Variants in OPRM1 observed in about 807,000 individuals in gnomAD.
The protein encoded by OPRM1 is opioid receptor mu 1.
In OPRM1, 27 loss-of-function variants were observed where a neutral mutation model predicts 31.8. That is an observed-to-expected ratio of 0.85 (90% CI 0.63 to 1.17). The LOEUF is 1.17. Among genes scored for constraint, OPRM1 ranks in the 50% most tolerant of loss-of-function variants. OPRM1 has a pLI of 0.00. For missense variants in OPRM1, 536 were observed against 511.1 expected (o/e 1.05, Z -0.47); for synonymous variants, 196 against 189.9 (o/e 1.03, Z -0.26).
chr6:154,200,666 A>G (rs1180960133), intron 3 of OPRM1, among the ~76,000 whole-genome samples: 2 of 152,150 alleles, frequency 1.3e-5, no homozygotes, highest in Admixed American at 1.3e-4. Context: ...GATTGCAGCG[A>G]GCTAAGATCA....
chr6:154,019,669 C>T (rs1778230936), intron 1 of OPRM1, among the ~76,000 whole-genome samples: 3 of 151,880 alleles, frequency 2.0e-5, no homozygotes, highest in African/African-American at 7.3e-5. Context: ...TTCAGATTGG[C>T]TCATTTCACT....
At position 154,222,952 on chromosome 6, in the gene OPRM1, G is replaced by A. The variant is rs1011850230; in HGVS notation, c.1165-23741G>A. On this transcript the variant is annotated intron_variant, in intron 3 of 3. Transcript: ENST00000337049. ...ACAACAGTCCATGCCAAGACTTCGT[G>A]GGGGTTTTAAAATCCATCTGCTCCA... 1.7e-4 allele frequency: 100 copies of A among 580,016 alleles called. No homozygotes were observed. In the Admixed American group the frequency reaches 2.9e-3, roughly 17 times the overall value. 35.9% of individuals were successfully genotyped at this position (580,016 alleles called of 1,614,324 possible). A position where few individuals can be genotyped will look rare whatever the true frequency, so the allele number is the denominator to read the frequency against.
At chr6:154,218,530 C>T (rs186171351) in intron 3 of OPRM1, among the ~76,000 whole-genome samples, 155 of 152,244 alleles carry the variant, frequency 1.0e-3, no homozygotes, top group African/African-American at 3.6e-3. Context: ...CTCCCTCCCC[C>T]ACACCTCTCA....
intron 1 of OPRM1, among the ~76,000 whole-genome samples, chr6:154,056,030 A>G (rs938971129): frequency 1.3e-5 from 2 of 152,242 alleles, no homozygotes; most frequent in Non-Finnish European, 2.9e-5. Context: ...TCATCCCTAT[A>G]AAGAGTCATC....
intron 3 of OPRM1, among the ~76,000 whole-genome samples, chr6:154,204,032 T>C (rs1443819195): frequency 6.6e-6 from 1 of 152,240 alleles, no homozygotes; most frequent in Non-Finnish European, 1.5e-5. Context: ...TGTATGTGGT[T>C]TCATTCCTTT....
chr6:154,034,906 C>G (rs1369236768), upstream of OPRM1, among the ~76,000 whole-genome samples: 2 of 152,076 alleles, frequency 1.3e-5, no homozygotes, highest in African/African-American at 4.8e-5. Flanking sequence ...TTTAGTTGGA[C>G]CCTAGATACT....
Position 154,121,203 on chromosome 6 carries a change from T to C in OPRM1, c.*2482T>C, listed in dbSNP as rs143290386. ...AGGTTGGTATCCCAGAAATGCAGAC[T>C]GTAGCTATGGGGCGGAAGCTTTGTT... On this transcript the variant is annotated 3_prime_UTR_variant, in exon 4 of 4. Coordinates refer to ENST00000330432, the MANE Select transcript of OPRM1 (RefSeq NM_000914.5). Among the ~76,000 whole-genome samples, 8 of 152,324 alleles carry C rather than the reference T, an allele frequency of 5.3e-5. No individual in the cohort carries two copies. In the East Asian group the frequency reaches 1.3e-3, roughly 26 times the overall value.
intron 3 of OPRM1, among the ~76,000 whole-genome samples, chr6:154,140,600 G>A (rs1276990100): frequency 6.6e-6 from 1 of 152,172 alleles, no homozygotes; most frequent in Non-Finnish European, 1.5e-5. Flanking sequence ...AAAGTGCTGG[G>A]ATTACAGGTG....
intron 3 of OPRM1, among the ~76,000 whole-genome samples, chr6:154,195,165 T>TTTTTA (rs1776498737): frequency 7.8e-6 from 1 of 128,728 alleles, no homozygotes; most frequent in African/African-American, 2.8e-5. Context: ...TTTTTTTTTT[T>TTTTTA]GAGACAGAAT....
At chr6:154,064,955 T>A (rs547751880) in intron 1 of OPRM1, among the ~76,000 whole-genome samples, 2 of 152,240 alleles carry the variant, frequency 1.3e-5, no homozygotes, top group South Asian at 4.2e-4. Context: ...TTTTTCAAGA[T>A]TATTTTGGCC....
upstream of OPRM1, among the ~76,000 whole-genome samples, chr6:154,035,957 A>G (rs1460795820): frequency 6.6e-6 from 1 of 152,120 alleles, no homozygotes; most frequent in Non-Finnish European, 1.5e-5. Context: ...AATAAAAGAT[A>G]TATTTGGGAT....
intron 3 of OPRM1, among the ~76,000 whole-genome samples, chr6:154,139,986 C>T (rs528426611): frequency 6.6e-6 from 1 of 152,312 alleles, no homozygotes; most frequent in East Asian, 1.9e-4. Context: ...AGGCCAAAAG[C>T]AATTGAGGAA....
At chr6:154,217,131 T>C (rs1052614809) in intron 3 of OPRM1, 17 of 164,060 alleles carry the variant, frequency 1.0e-4, no homozygotes, top group East Asian at 9.9e-4. Flanking sequence ...AAGGGTGGAG[T>C]TGGTAGGTAT....
intron 3 of OPRM1, chr6:154,093,278 T>C: frequency 6.2e-7 from 1 of 1,612,944 alleles, no homozygotes; most frequent in East Asian, 2.2e-5. Flanking sequence ...AGTGCCTACC[T>C]ATACCTTCCC....
At chr6:154,010,948 A>T in exon 1 of OPRM1, 1 of 1,298,488 alleles carries the variant, frequency 7.7e-7, no homozygotes, top group Non-Finnish European at 1.0e-6. Flanking sequence ...GGAGCACAGA[A>T]CTCTGATATC....
At chr6:154,071,449 T>C (rs1399887323) in intron 1 of OPRM1, among the ~76,000 whole-genome samples, 2 of 152,212 alleles carry the variant, frequency 1.3e-5, no homozygotes, top group African/African-American at 2.4e-5. Flanking sequence ...TTGCTGATTT[T>C]TGTCAGCTTG....
intron 1 of OPRM1, among the ~76,000 whole-genome samples, chr6:154,083,896 A>G (rs1434064298): frequency 7.0e-6 from 1 of 142,256 alleles, no homozygotes; most frequent in Admixed American, 7.5e-5. Context: ...GTGAGCCGAG[A>G]TCGCGCCACT....
chr6:154,053,771 C>T (rs896209535), intron 1 of OPRM1, among the ~76,000 whole-genome samples: 4 of 152,134 alleles, frequency 2.6e-5, no homozygotes, highest in Non-Finnish European at 5.9e-5. Flanking sequence ...TTTAGATTAG[C>T]CAGATGACCA....
At chr6:154,076,787 G>A (rs1435652118) in intron 1 of OPRM1, among the ~76,000 whole-genome samples, 1 of 152,056 alleles carries the variant, frequency 6.6e-6, no homozygotes, top group African/African-American at 2.4e-5. Flanking sequence ...TTACTTTCCT[G>A]TTCTCTTCTC....
Sources: allele counts gnomAD v4.1 joint callset (sites outside exome capture counted in the v4.1 genomes callset), GRCh38; gene constraint gnomAD v4.1.1; transcripts MANE v1.5; gene names NCBI Gene and HGNC (gene_info 2026-07-23, HGNC 2026-07-21).